The following GABRB2 variants were observed in gnomAD, a reference collection of about 807,000 sequenced individuals.
GABRB2 encodes the protein gamma-aminobutyric acid receptor subunit beta-2.
A neutral mutation model predicts 54.7 loss-of-function variants in GABRB2; 16 were observed. The ratio of observed to expected loss-of-function variants is 0.29; its 90% CI spans 0.20 to 0.44. The LOEUF is 0.44. Ranked by LOEUF, GABRB2 falls within the 20% of genes least tolerant of loss-of-function variation. The probability of loss-of-function intolerance (pLI) is 1.00; values close to 1 mark genes in which losing one functional copy is unlikely to be tolerated. For synonymous variants in GABRB2, 244 were observed against 233.8 expected, an observed-to-expected ratio of 1.04 and a Z score of -0.40; for missense variants, 355 against 644.0, an observed-to-expected ratio of 0.55 and a Z score of 4.86.
chr5:161,331,995 C>T (rs1422827943), intron 7 of GABRB2, among the ~76,000 whole-genome samples: 6 of 151,626 alleles, frequency 4.0e-5, no homozygotes, highest in African/African-American at 1.5e-4. Flanking sequence ...GAAACCCTGT[C>T]TCTACTAAAA....
chr5:161,475,842 A>G (rs1174524310), intron 3 of GABRB2, among the ~76,000 whole-genome samples: 1 of 151,970 alleles, frequency 6.6e-6, no homozygotes, highest in Non-Finnish European at 1.5e-5. Context: ...CATAGCTAAT[A>G]TCATACTCCA....
intron 5 of GABRB2, among the ~76,000 whole-genome samples, chr5:161,357,762 T>C (rs1754680471): frequency 6.6e-6 from 1 of 152,094 alleles, no homozygotes; most frequent in Non-Finnish European, 1.5e-5. Flanking sequence ...ATCTTCAAAA[T>C]ATTACAAGTG....
intron 3 of GABRB2, among the ~76,000 whole-genome samples, chr5:161,483,138 T>C (rs1327764756): frequency 6.6e-6 from 1 of 152,034 alleles, no homozygotes; most frequent in Non-Finnish European, 1.5e-5. Context: ...GACTGTGTAA[T>C]GAGTAGGAAC....
chr5:161,343,292 A>C (rs1359647625), intron 5 of GABRB2, among the ~76,000 whole-genome samples: 2 of 151,796 alleles, frequency 1.3e-5, no homozygotes, highest in Admixed American at 1.3e-4. Context: ...GTCAGGCTTG[A>C]TTATCTAGTG....
In GABRB2 at chr5:161,459,761, C is replaced by T. The variant is rs1454793598; in HGVS notation, c.321G>A (p.Leu107=). The T allele has an allele frequency of 6.2e-7, 1 of 1,613,594 alleles. No individual in the cohort carries two copies. The change falls in exon 4 of 10, where the codon CTG becomes CTA. Residue 107 remains leucine, a synonymous_variant. Transcript: ENST00000393959. ...AGAGCTGGTCTGCCACTCTGTTGTC[C>T]AGAGTCAAGTTTAAAGGTATTACAT... ...SYNVIPLNLT[L]DNRVADQLWV...
chr5:161,489,265 T>C (rs1759026131), intron 3 of GABRB2, among the ~76,000 whole-genome samples: 1 of 151,698 alleles, frequency 6.6e-6, no homozygotes, highest in East Asian at 1.9e-4. Flanking sequence ...ATGACCCTTA[T>C]ATTTATGTAT....
intron 5 of GABRB2, among the ~76,000 whole-genome samples, chr5:161,397,487 G>T (rs1580949743): frequency 6.6e-6 from 1 of 152,016 alleles, no homozygotes; most frequent in Non-Finnish European, 1.5e-5. Flanking sequence ...GCAAAAAGTG[G>T]CATGTGAAAT....
intron 5 of GABRB2, among the ~76,000 whole-genome samples, chr5:161,347,464 A>G (rs994441542): frequency 2.0e-5 from 3 of 152,126 alleles, no homozygotes; most frequent in Non-Finnish European, 4.4e-5. Flanking sequence ...CCCCGCATGC[A>G]GAGGTAGAGT....
chr5:161,367,978 G>A (rs933799456), intron 5 of GABRB2, among the ~76,000 whole-genome samples: 3 of 152,134 alleles, frequency 2.0e-5, no homozygotes, highest in African/African-American at 4.8e-5. Flanking sequence ...TCAATTCCCT[G>A]TACATGGCAT....
In GABRB2 at chr5:161,483,931, G is replaced by T. The variant is rs182394898; in HGVS notation, c.238-24087C>A. Among the ~76,000 whole-genome samples, 754 of 151,812 alleles carry T rather than the reference G, an allele frequency of 5.0e-3. 6 individuals are homozygous for T. Among genetic ancestry groups the T allele is most frequent in the Non-Finnish European group, 8.1e-3 (550 of 67,876 alleles). ...CTGGCAAGGTTAGTATGGCACTTTT[G>T]GATGGTTACAATTGCAATAAATATG... is the stretch of plus-strand genomic sequence containing the variant. On this transcript the variant is annotated intron_variant, in intron 3 of 9. Coordinates refer to ENST00000393959, the MANE Select transcript of GABRB2 (RefSeq NM_001371727.1).
intron 4 of GABRB2, among the ~76,000 whole-genome samples, chr5:161,417,976 A>G (rs1756729006): frequency 6.6e-6 from 1 of 152,202 alleles, no homozygotes; most frequent in Admixed American, 6.5e-5. Flanking sequence ...TCATGTTCCC[A>G]TTTGATAAAT....
intron 5 of GABRB2, among the ~76,000 whole-genome samples, chr5:161,389,655 G>A (rs182573467): frequency 1.3e-5 from 2 of 151,572 alleles, no homozygotes; most frequent in East Asian, 3.9e-4. Context: ...GAAAATGAGG[G>A]ATTAAGGAAT....
At chr5:161,322,657 C>T (rs377251140) in intron 9 of GABRB2, among the ~76,000 whole-genome samples, 3 of 152,132 alleles carry the variant, frequency 2.0e-5, no homozygotes, top group Middle Eastern at 3.2e-3. Context: ...GGTTAATCCA[C>T]AGTACCTGTT....
rs1340453312 is a variant in GABRB2 at position 161,291,334 on chromosome 5, T to TC, written c.*2746dup. On this transcript the variant is annotated 3_prime_UTR_variant, in exon 10 of 10. Coordinates refer to ENST00000393959, the MANE Select transcript of GABRB2 (RefSeq NM_001371727.1). ...AGAACTACTAAACACACCTTTGTGG[T>TC]CCTTTAGTTTAACAACTGGCTATCA... The TC allele has an allele frequency of 1.3e-5, 2 of 152,194 alleles. No individual in the cohort carries two copies. Among genetic ancestry groups the TC allele is most frequent in the African/African-American group, 4.8e-5 (2 of 41,458 alleles). 9.4% of individuals were successfully genotyped at this position (152,194 alleles called of 1,614,324 possible).
chr5:161,298,000 T>C (rs1206661972), intron 9 of GABRB2, among the ~76,000 whole-genome samples: 6 of 152,232 alleles, frequency 3.9e-5, no homozygotes, highest in African/African-American at 1.2e-4. Context: ...TGGTATCTCA[T>C]TGTGGTTTTG....
At chr5:161,521,157 A>C (rs1760100843) in intron 3 of GABRB2, among the ~76,000 whole-genome samples, 1 of 151,998 alleles carries the variant, frequency 6.6e-6, no homozygotes, top group Non-Finnish European at 1.5e-5. Flanking sequence ...GGTGCTTGGC[A>C]AGTCCTAGCT....
intron 7 of GABRB2, among the ~76,000 whole-genome samples, chr5:161,334,326 A>C (rs1452496882): frequency 6.6e-6 from 1 of 152,216 alleles, no homozygotes; most frequent in African/African-American, 2.4e-5. Context: ...CTACTCTGAA[A>C]TGTTAACAAG....
intron 5 of GABRB2, among the ~76,000 whole-genome samples, chr5:161,407,683 T>A (rs1756386778): frequency 6.6e-6 from 1 of 152,056 alleles, no homozygotes; most frequent in African/African-American, 2.4e-5. Context: ...ACTAAAAGTT[T>A]CAGAGAGAGA....
At chr5:161,355,207 ATC>A (rs980575322) in intron 5 of GABRB2, among the ~76,000 whole-genome samples, 4 of 151,390 alleles carry the variant, frequency 2.6e-5, no homozygotes, top group African/African-American at 9.7e-5. Context: ...TAATTCCATT[ATC>A]TGTCTCCCTG....
Sources: gnomAD v4.1 joint callset for allele counts (sites outside exome capture counted in the v4.1 genomes callset) on GRCh38, gnomAD v4.1.1 for gene constraint, MANE v1.5 for transcripts, NCBI Gene and HGNC (gene_info 2026-07-23, HGNC 2026-07-21) for gene names.